The following ADCY2 variants were observed in gnomAD, a reference collection of about 807,000 sequenced individuals.
ADCY2 encodes the protein adenylate cyclase 2, also known as adenylate cyclase type 2.
A neutral mutation model predicts 125.2 loss-of-function variants in ADCY2; 31 were observed. That is an observed-to-expected ratio of 0.25 (90% CI 0.19 to 0.33). The LOEUF is 0.33. ADCY2 is among the 10% of genes least tolerant of loss of function. The pLI is 1.00. For missense variants in ADCY2, 904 were observed against 1,418.2 expected (o/e 0.64, Z 5.82); for synonymous variants, 512 against 548.4 (o/e 0.93, Z 0.93).
intron 14 of ADCY2, among the ~76,000 whole-genome samples, chr5:7,728,624 A>T (rs1173945051): frequency 1.3e-5 from 2 of 152,210 alleles, no homozygotes; most frequent in Admixed American, 1.3e-4. Flanking sequence ...CCCAGTACAC[A>T]GTGGCTTATA....
intron 3 of ADCY2, among the ~76,000 whole-genome samples, chr5:7,541,294 A>G (rs1734985441): frequency 6.6e-6 from 1 of 152,242 alleles, no homozygotes; most frequent in Non-Finnish European, 1.5e-5. Flanking sequence ...GCAGCATGAG[A>G]AGTGCCCAAA....
intron 2 of ADCY2, among the ~76,000 whole-genome samples, chr5:7,509,645 G>A (rs1001457334): frequency 5.9e-5 from 9 of 152,108 alleles, no homozygotes; most frequent in African/African-American, 9.7e-5. Flanking sequence ...TGATTTGATC[G>A]TTACTCTTTT....
intron 3 of ADCY2, among the ~76,000 whole-genome samples, chr5:7,563,412 AGCCTGGCAG>A (rs1201822447): frequency 6.6e-6 from 1 of 152,172 alleles, no homozygotes; most frequent in Non-Finnish European, 1.5e-5. Flanking sequence ...AGCTTCTGTG[AGCCTGGCAG>A]GCTCTGGAGA....
intron 20 of ADCY2, chr5:7,794,654 A>G (rs921347864): frequency 6.6e-6 from 1 of 152,186 alleles, no homozygotes; most frequent in East Asian, 1.9e-4. Context: ...CTGCGTGCAT[A>G]AAGCATAGCA....
intron 23 of ADCY2, among the ~76,000 whole-genome samples, chr5:7,818,524 T>C (rs1166587074): frequency 1.3e-5 from 2 of 152,052 alleles, no homozygotes; most frequent in Admixed American, 1.3e-4. Flanking sequence ...ACCTGGCTAA[T>C]GTTTGTATTT....
intron 2 of ADCY2, among the ~76,000 whole-genome samples, chr5:7,499,648 G>GATATATATATATATATATATAT (rs70940741): frequency 3.0e-4 from 35 of 118,414 alleles, no homozygotes; most frequent in Non-Finnish European, 4.5e-4. Flanking sequence ...TATGTGGGTG[G>GATATATATATATATATATATAT]ATATATATAT....
chr5:7,707,282 G>A (rs1311845374), intron 8 of ADCY2, among the ~76,000 whole-genome samples: 2 of 152,108 alleles, frequency 1.3e-5, no homozygotes, highest in African/African-American at 4.8e-5. Flanking sequence ...CCTTCTCTGG[G>A]GAGAATAACG....
At chr5:7,627,690 G>A (rs1738180233) in intron 4 of ADCY2, among the ~76,000 whole-genome samples, 1 of 152,190 alleles carries the variant, frequency 6.6e-6, no homozygotes, top group Admixed American at 6.5e-5. Context: ...GGAGCAAAAA[G>A]TATATCCTTT....
chr5:7,736,923 A>T (rs572098412), intron 14 of ADCY2, among the ~76,000 whole-genome samples: 6 of 152,144 alleles, frequency 3.9e-5, no homozygotes, highest in African/African-American at 7.2e-5. Context: ...TTCCATTTAT[A>T]AAAAAAATTA....
At chr5:7,814,188 TTC>T (rs1364390224) in intron 22 of ADCY2, among the ~76,000 whole-genome samples, 10 of 152,074 alleles carry the variant, frequency 6.6e-5, no homozygotes, top group African/African-American at 2.4e-4. Flanking sequence ...ACTGCAATAG[TTC>T]TGTTTCCTTT....
chr5:7,460,113 G>C (rs1258224863), intron 2 of ADCY2, among the ~76,000 whole-genome samples: 1 of 151,964 alleles, frequency 6.6e-6, no homozygotes, highest in East Asian at 1.9e-4. Flanking sequence ...TGAAATTTTT[G>C]TTTGCAAAGT....
chr5:7,623,869 T>G (rs989657866), intron 3 of ADCY2, among the ~76,000 whole-genome samples: 20 of 152,132 alleles, frequency 1.3e-4, no homozygotes, highest in African/African-American at 4.8e-4. Context: ...GCACACCACA[T>G]GCATATACCA....
intron 4 of ADCY2, among the ~76,000 whole-genome samples, chr5:7,685,490 C>T (rs1740491861): frequency 1.3e-5 from 2 of 152,218 alleles, no homozygotes; most frequent in Admixed American, 6.5e-5. Context: ...GCCTTCTATT[C>T]TCCATCCCAT....
intron 4 of ADCY2, among the ~76,000 whole-genome samples, chr5:7,670,135 A>G (rs935902343): frequency 6.6e-6 from 1 of 152,158 alleles, no homozygotes; most frequent in Non-Finnish European, 1.5e-5. Flanking sequence ...TATATGAAAA[A>G]CACTGCATAA....
At chr5:7,568,676 A>G (rs1023233915) in intron 3 of ADCY2, among the ~76,000 whole-genome samples, 1 of 152,186 alleles carries the variant, frequency 6.6e-6, no homozygotes, top group African/African-American at 2.4e-5. Context: ...CTTCTTGGAG[A>G]TAAAATACGG....
intron 2 of ADCY2, among the ~76,000 whole-genome samples, chr5:7,418,490 G>T (rs1296560486): frequency 6.6e-6 from 1 of 152,060 alleles, no homozygotes; most frequent in Admixed American, 6.6e-5. Context: ...TTGGCAGGGT[G>T]TGTGCCTCAT....
intron 4 of ADCY2, among the ~76,000 whole-genome samples, chr5:7,655,605 T>C (rs1305024148): frequency 6.6e-6 from 1 of 152,188 alleles, no homozygotes; most frequent in African/African-American, 2.4e-5. Context: ...GGGAGCGCAG[T>C]CTGCTTTACC....
chr5:7,724,114 C>CAAAAAAAAAA (rs1272949604), intron 12 of ADCY2, among the ~76,000 whole-genome samples: 3 of 76,560 alleles, frequency 3.9e-5, no homozygotes, highest in African/African-American at 1.6e-4. Context: ...TAGAAGCTAA[C>CAAAAAAAAAA]AAAAAAAAAA....
intron 1 of ADCY2, among the ~76,000 whole-genome samples, chr5:7,410,798 GGTTT>G (rs1739678886): frequency 6.6e-6 from 1 of 151,942 alleles, no homozygotes; most frequent in African/African-American, 2.4e-5. Context: ...GATTGATGAT[GGTTT>G]TAATGTTTTA....
Sources: allele counts gnomAD v4.1 joint callset (sites outside exome capture counted in the v4.1 genomes callset), GRCh38; gene constraint gnomAD v4.1.1; transcripts MANE v1.5; gene names NCBI Gene and HGNC (gene_info 2026-07-23, HGNC 2026-07-21).